FLNB: variants seen among roughly 807,000 people sequenced by gnomAD.
FLNB encodes the protein filamin B, also known as filamin-B.
In FLNB, 111 loss-of-function variants were observed where a neutral mutation model predicts 250.6. The ratio of observed to expected loss-of-function variants is 0.44; its 90% CI spans 0.38 to 0.52. The LOEUF is 0.52. FLNB is among the 20% of genes least tolerant of loss of function. FLNB has a pLI of 0.00. For missense variants in FLNB, 2,869 were observed against 3,447.8 expected, an observed-to-expected ratio of 0.83 and a Z score of 4.20; for synonymous variants, 1,302 against 1,372.1, an observed-to-expected ratio of 0.95 and a Z score of 1.13.
chr3:58,132,403 CACAATTCTGGA>C (rs2097308953), intron 25 of FLNB: 1 of 399,134 alleles, frequency 2.5e-6, no homozygotes, highest in East Asian at 6.0e-5. Flanking sequence ...TTTTGCTCTT[CACAATTCTGGA>C]CTCTTTGGCA....
intron 1 of FLNB, among the ~76,000 whole-genome samples, chr3:58,020,437 G>A (rs976201236): frequency 6.6e-6 from 1 of 152,180 alleles, no homozygotes; most frequent in Non-Finnish European, 1.5e-5. Flanking sequence ...TGATCCCCAC[G>A]GGCATCTCCT....
At chr3:58,060,252 C>T (rs879844174) in intron 1 of FLNB, among the ~76,000 whole-genome samples, 1 of 152,014 alleles carries the variant, frequency 6.6e-6, no homozygotes, top group African/African-American at 2.4e-5. Context: ...TGTGGTGGCT[C>T]ATGCCTGTAA....
intron 1 of FLNB, among the ~76,000 whole-genome samples, chr3:58,062,072 C>T (rs1480703438): frequency 2.0e-5 from 3 of 152,104 alleles, no homozygotes; most frequent in Non-Finnish European, 4.4e-5. Context: ...GCCTGGGTGA[C>T]AGAGCGAGAC....
intron 24 of FLNB, among the ~76,000 whole-genome samples, chr3:58,127,428 A>G (rs1187995663): frequency 6.6e-6 from 1 of 152,034 alleles, no homozygotes; most frequent in African/African-American, 2.4e-5. Context: ...CAATACTAGT[A>G]GCTGATCAAG....
Position 58,143,603 on chromosome 3 carries a change from C to T in FLNB, c.5415C>T (p.Ser1805=). 6.8e-6 allele frequency: 11 copies of T among 1,613,984 alleles called. No individual in the cohort carries two copies. Among genetic ancestry groups the T allele is most frequent in the Non-Finnish European group, 9.3e-6 (11 of 1,180,028 alleles). Residue 1805 remains serine, a synonymous_variant, in exon 32 of 46, where the codon AGC becomes AGT. Transcript: ENST00000295956. The part of the protein sequence containing the change: ...LHEMHIKYMG[S]HIPESPLQFY... Reference sequence around the variant, plus strand: ...AGATGCACATCAAATACATGGGCAGCCACATCCCTGGTAAGCTGAGTCAGC... The same window carrying T: ...AGATGCACATCAAATACATGGGCAGTCACATCCCTGGTAAGCTGAGTCAGC...
At chr3:58,014,371 GGAGCTCCAGGC>G (rs1398806527) in intron 1 of FLNB, among the ~76,000 whole-genome samples, 1 of 152,208 alleles carries the variant, frequency 6.6e-6, no homozygotes, top group Non-Finnish European at 1.5e-5. Context: ...AGCTGGACAG[GGAGCTCCAGGC>G]GTCTGGTCAT....
chr3:58,169,824 T>TGGGGGCTTTTCCTGGGGGGGGGG lies in FLNB; in HGVS notation c.7621+35_7621+36insGCTTTTCCTGGGGGGGGGGGGGG. The TGGGGGCTTTTCCTGGGGGGGGGG allele has an allele frequency of 1.5e-6, 1 of 684,936 alleles. No individual in the cohort carries two copies. Among genetic ancestry groups the TGGGGGCTTTTCCTGGGGGGGGGG allele is most frequent in the African/African-American group, 1.9e-5 (1 of 53,712 alleles). The allele number at this position is 684,936 out of a possible 1,614,324, so 42.4% of individuals were successfully genotyped here. On this transcript the variant is annotated intron_variant, in intron 45 of 45. Transcript: ENST00000295956. The surrounding 1 kb of genome is among the most constrained non-coding windows in gnomAD (Gnocchi z 4.8). ...TGTCTGGGCCTTTTCAAGGGTGGGGTGGGGCAGGGGCAGGCTGGGCACCCT... is the reference window on the plus strand; with the variant it reads ...TGTCTGGGCCTTTTCAAGGGTGGGGTGGGGGCTTTTCCTGGGGGGGGGGGGGGCAGGGGCAGGCTGGGCACCCT...
rs1225102409 is a variant in FLNB at position 58,110,005 on chromosome 3, TC to T, written c.2324-3del. 6.2e-7 allele frequency: 1 copy of T among 1,614,186 alleles called. No individual in the cohort carries two copies. The highest frequency in any genetic ancestry group is 1.7e-5 in the Admixed American group (1 of 60,016). On this transcript the variant is annotated splice_region_variant and splice_polypyrimidine_tract_variant and intron_variant, in intron 15 of 45. Transcript: ENST00000295956. ...AGCTGGTGCTAATAAGCTGGTCTGT[TC>T]CAGGTGATGTCAGTGTTGGCATTAA...
At chr3:58,087,344 G>A (rs527857914) in intron 4 of FLNB, among the ~76,000 whole-genome samples, 156 of 152,170 alleles carry the variant, frequency 1.0e-3, no homozygotes, top group Non-Finnish European at 1.8e-3. Context: ...AAATAATACA[G>A]GAAGGGGAGG....
At position 58,142,928 on chromosome 3, in the gene FLNB, G is replaced by A. The variant is rs1176090561; in HGVS notation, c.5284+176G>A. Among the ~76,000 whole-genome samples the A allele has an allele frequency of 3.9e-5, 6 of 152,250 alleles. No individual in the cohort carries two copies. The highest frequency in any genetic ancestry group is 1.4e-4 in the African/African-American group (6 of 41,468). On this transcript the variant is annotated intron_variant, in intron 31 of 45. Transcript: ENST00000295956. This position sits in a 1 kb window ranked among gnomAD's most constrained non-coding sequence, Gnocchi z 4.3. ...CCTGAAACTACAGAATATGCCACGTGTGTGTTTCTCTGAAGAAGTGGCTCA... is the reference window on the plus strand; with the variant it reads ...CCTGAAACTACAGAATATGCCACGTATGTGTTTCTCTGAAGAAGTGGCTCA...
chr3:58,098,417 G>T (rs1389874411), intron 7 of FLNB, among the ~76,000 whole-genome samples: 2 of 152,146 alleles, frequency 1.3e-5, no homozygotes, highest in South Asian at 4.1e-4. Context: ...CGCAACCTCC[G>T]CCTCCTGGGT....
chr3:58,141,905 A>C lies in FLNB; in HGVS notation c.5157A>C (p.Ala1719=), dbSNP rs751024528. ...VTAVEEAPVN[A]CPPGFRPWVT... The stretch of plus-strand genomic sequence containing the variant: ...CCGTGGAGGAGGCACCGGTAAATGC[A>C]TGTCCCCCTGGATTCAGGCCCTGGG... Residue 1719 remains alanine (A), a synonymous_variant, in exon 30 of 46, where the codon GCA becomes GCC. Transcript: ENST00000295956. 1 of 1,614,014 alleles carries C rather than the reference A, an allele frequency of 6.2e-7. No homozygotes were observed. Among genetic ancestry groups the C allele is most frequent in the Admixed American group, 1.7e-5 (1 of 60,012 alleles).
chr3:58,110,709 G>C (rs1014993938), intron 16 of FLNB, among the ~76,000 whole-genome samples: 1 of 152,308 alleles, frequency 6.6e-6, no homozygotes, highest in Admixed American at 6.5e-5. Context: ...GCCTCCCAAA[G>C]TGCTGGGATT....
At chr3:58,081,526 T>C in intron 3 of FLNB, 103 bp from the exon 4 acceptor site, 1 of 1,048,542 alleles carries the variant, frequency 9.5e-7, no homozygotes, top group Non-Finnish European at 1.5e-6. Flanking sequence ...GCTGACTCAG[T>C]TTCTTAATAT....
intron 1 of FLNB, among the ~76,000 whole-genome samples, chr3:58,062,803 C>T (rs139966745): frequency 1.3e-5 from 2 of 152,284 alleles, no homozygotes; most frequent in Non-Finnish European, 2.9e-5. Context: ...TGCTAGAAGG[C>T]GGAATTCTAG....
chr3:58,125,522 T>G (rs1019671954), intron 22 of FLNB, 59 bp from the exon 23 acceptor site: 2 of 1,585,614 alleles, frequency 1.3e-6, no homozygotes, highest in African/African-American at 2.7e-5. Context: ...TAGAGAATCA[T>G]TTTTCACAAA....
At chr3:58,168,271 G>T (rs2097374365) in intron 43 of FLNB, among the ~76,000 whole-genome samples, 169 bp from the exon 44 acceptor site, 1 of 152,188 alleles carries the variant, frequency 6.6e-6, no homozygotes, top group South Asian at 2.1e-4. Context: ...CACCCCGCAG[G>T]GCCTGAGGTT....
rs571048085 is a variant in FLNB, at chr3:58,129,037, G to T, written c.4223-1704G>T. On this transcript the variant is annotated intron_variant, in intron 24 of 45. Transcript: ENST00000295956. ...TAAGGCAACCTATGGGGGTACTGCC[G>T]GGAAACAGTCGGCTACCTGCCACCT... 1.2e-4 allele frequency among the ~76,000 whole-genome samples: 18 copies of T among 152,302 alleles called. 1 individual carries two copies. In the South Asian group the frequency reaches 3.7e-3, roughly 32 times the overall value.
At chr3:58,044,774 T>G (rs1559654567) in intron 1 of FLNB, among the ~76,000 whole-genome samples, 1 of 152,202 alleles carries the variant, frequency 6.6e-6, no homozygotes, top group African/African-American at 2.4e-5. Context: ...GGGACCCCCC[T>G]GAACTTGCCT....
Sources: allele counts gnomAD v4.1 joint callset (sites outside exome capture counted in the v4.1 genomes callset), GRCh38; gene constraint gnomAD v4.1.1; non-coding constraint Gnocchi (gnomAD v3.1); transcripts MANE v1.5; gene names NCBI Gene and HGNC (gene_info 2026-07-23, HGNC 2026-07-21).